Variants in FGF14 observed in about 807,000 individuals in gnomAD.
The protein encoded by FGF14 is fibroblast growth factor 14.
In FGF14, 5 loss-of-function variants were observed where a neutral mutation model predicts 25.5. The observed-to-expected ratio is 0.20, with a 90% confidence interval of 0.10 to 0.41. The LOEUF (loss-of-function observed/expected upper bound fraction) is 0.41, where lower values mean the gene tolerates loss of function less well. Among genes scored for constraint, FGF14 ranks in the 10% least tolerant of loss-of-function variants. The probability of loss-of-function intolerance (pLI) is 1.00; values close to 1 mark genes in which losing one functional copy is unlikely to be tolerated. For synonymous variants in FGF14, 138 were observed against 118.3 expected (o/e 1.17, Z -1.08); for missense variants, 222 against 320.1 (o/e 0.69, Z 2.34).
chr13:102,314,130 T>C (rs964660741), intron 1 of FGF14, among the ~76,000 whole-genome samples: 5 of 152,204 alleles, frequency 3.3e-5, no homozygotes, highest in African/African-American at 9.6e-5. Context: ...GAGAGGTCAG[T>C]TGAAATATAA....
At chr13:101,900,810 C>T (rs940917171) in intron 1 of FGF14, among the ~76,000 whole-genome samples, 1 of 152,012 alleles carries the variant, frequency 6.6e-6, no homozygotes, top group Non-Finnish European at 1.5e-5. Context: ...TTGTGGACTT[C>T]TTTTAATGTG....
At chr13:102,127,425 C>A (rs2045994727) in intron 1 of FGF14, among the ~76,000 whole-genome samples, 2 of 152,026 alleles carry the variant, frequency 1.3e-5, no homozygotes, top group Non-Finnish European at 2.9e-5. Context: ...TGTACACAAC[C>A]ACTAAGTTGT....
intron 1 of FGF14, among the ~76,000 whole-genome samples, chr13:102,351,791 G>A (rs555486810): frequency 6.6e-6 from 1 of 152,230 alleles, no homozygotes; most frequent in East Asian, 1.9e-4. Flanking sequence ...CCAGGAGAAA[G>A]GGAGAAAAGA....
intron 1 of FGF14, among the ~76,000 whole-genome samples, chr13:102,161,641 A>AAGG (rs2047724098): frequency 4.1e-4 from 6 of 14,690 alleles, no homozygotes; most frequent in Admixed American, 1.1e-3. Flanking sequence ...GAAGAAGAAG[A>AAGG]AGAAGAAGAA....
intron 1 of FGF14, among the ~76,000 whole-genome samples, chr13:101,976,644 C>A: frequency 6.6e-6 from 1 of 152,166 alleles, no homozygotes; most frequent in East Asian, 1.9e-4. Context: ...CTTCTTAAAT[C>A]TTAGAATCAG....
At position 102,333,661 on chromosome 13, in the gene FGF14, A is replaced by G. The variant is rs559877379; in HGVS notation, c.208+67810T>C. Among the ~76,000 whole-genome samples, 4 of 152,318 alleles carry G rather than the reference A, an allele frequency of 2.6e-5. No homozygotes were observed. In the East Asian group the frequency reaches 5.8e-4, roughly 22 times the overall value. ...GTAAACAGCTGTCAACCAATTACCA[A>G]AAATACTGAACTCATTCAGAAAGGA... is the stretch of plus-strand genomic sequence containing the variant. On this transcript the variant is annotated intron_variant, in intron 1 of 4. Transcript: ENST00000376131.
intron 1 of FGF14, among the ~76,000 whole-genome samples, chr13:102,152,385 C>T (rs1244535984): frequency 6.6e-6 from 1 of 152,168 alleles, no homozygotes; most frequent in African/African-American, 2.4e-5. Context: ...TTGAGGTCTT[C>T]TGAAGCTTCC....
intron 3 of FGF14, among the ~76,000 whole-genome samples, chr13:101,848,478 C>A (rs750799726): frequency 6.6e-6 from 1 of 152,038 alleles, no homozygotes; most frequent in East Asian, 1.9e-4. Flanking sequence ...AAGGAGGAGG[C>A]AAAAGAAATG....
intron 1 of FGF14, among the ~76,000 whole-genome samples, chr13:102,310,808 G>C (rs534569977): frequency 4.0e-5 from 6 of 151,608 alleles, no homozygotes; most frequent in African/African-American, 9.7e-5. Flanking sequence ...CAGCAGGTCT[G>C]AAGTCCCTGG....
chr13:102,032,867 C>T (rs1338111806), intron 1 of FGF14, among the ~76,000 whole-genome samples: 1 of 152,110 alleles, frequency 6.6e-6, no homozygotes, highest in African/African-American at 2.4e-5. Context: ...ATCTTCACCT[C>T]TAAGCAACCA....
At chr13:102,371,109 G>A (rs2057869139) in intron 1 of FGF14, among the ~76,000 whole-genome samples, 1 of 152,038 alleles carries the variant, frequency 6.6e-6, no homozygotes, top group African/African-American at 2.4e-5. Context: ...CATATTCCAG[G>A]TATATTCCTG....
chr13:101,920,630 G>GT (rs1052905281), upstream of FGF14, among the ~76,000 whole-genome samples: 1 of 152,022 alleles, frequency 6.6e-6, no homozygotes, highest in African/African-American at 2.4e-5. Context: ...CAGTTTCCAT[G>GT]TTTTTTCAAT....
chr13:101,749,249 G>A (rs543858031), intron 3 of FGF14, among the ~76,000 whole-genome samples: 5 of 152,042 alleles, frequency 3.3e-5, no homozygotes, highest in East Asian at 1.9e-4. Context: ...TAAATATACC[G>A]AACAGTATTC....
At chr13:101,906,389 A>G (rs2032248323) in intron 1 of FGF14, among the ~76,000 whole-genome samples, 1 of 152,206 alleles carries the variant, frequency 6.6e-6, no homozygotes. Flanking sequence ...CCATGAACAA[A>G]TATTTAAAGG....
chr13:101,828,926 C>G (rs2042537625), intron 3 of FGF14, among the ~76,000 whole-genome samples: 1 of 152,050 alleles, frequency 6.6e-6, no homozygotes, highest in Admixed American at 6.6e-5. Context: ...AAACTCATTA[C>G]CAATATCATA....
At chr13:102,396,455 C>T (rs1180449594) in intron 1 of FGF14, among the ~76,000 whole-genome samples, 2 of 152,082 alleles carry the variant, frequency 1.3e-5, no homozygotes, top group Non-Finnish European at 2.9e-5. Flanking sequence ...AGGTATGATG[C>T]CAAAATGTGC....
At chr13:101,985,084 T>G (rs567375143) in intron 1 of FGF14, among the ~76,000 whole-genome samples, 21 of 149,656 alleles carry the variant, frequency 1.4e-4, no homozygotes, top group South Asian at 6.3e-4. Context: ...TTTTTTGTTT[T>G]TTTTTTTTTT....
chr13:101,753,298 G>GAC lies in FGF14; in HGVS notation c.409-26490_409-26489dup, dbSNP rs3064705. The stretch of plus-strand genomic sequence containing the variant: ...ACACACACACAGACACACACAGACA[G>GAC]ACACACACACACACACACACACACA... On this transcript the variant is annotated intron_variant, in intron 3 of 4. Transcript: ENST00000376143. Among the ~76,000 whole-genome samples, 1,373 of 145,878 alleles carry GAC rather than the reference G, an allele frequency of 9.4e-3. 6 individuals are homozygous for GAC. Among genetic ancestry groups the GAC allele is most frequent in the African/African-American group, 0.012 (497 of 39,832 alleles).
chr13:102,063,122 A>G (rs1464961228), intron 1 of FGF14, among the ~76,000 whole-genome samples: 1 of 152,162 alleles, frequency 6.6e-6, no homozygotes, highest in Non-Finnish European at 1.5e-5. Context: ...TTACTGTAAA[A>G]TGCTTTGTAT....
Sources: allele counts gnomAD v4.1 joint callset (sites outside exome capture counted in the v4.1 genomes callset), GRCh38; gene constraint gnomAD v4.1.1; transcripts MANE v1.5; gene names NCBI Gene and HGNC (gene_info 2026-07-23, HGNC 2026-07-21).